Variants in LNX1 observed in about 807,000 individuals in gnomAD.
The protein encoded by LNX1 is E3 ubiquitin-protein ligase LNX.
A neutral mutation model predicts 68.4 loss-of-function variants in LNX1; 54 were observed. That is an observed-to-expected ratio of 0.79 (90% CI 0.63 to 0.99). The LOEUF is 0.99. Among genes scored for constraint, LNX1 ranks in the 50% least tolerant of loss-of-function variants. The pLI is 0.00. For missense variants in LNX1, 906 were observed against 926.4 expected (o/e 0.98, Z 0.29); for synonymous variants, 336 against 350.0 (o/e 0.96, Z 0.45).
chr4:53,530,377 T>G (rs1353139821), intron 2 of LNX1, among the ~76,000 whole-genome samples: 2 of 152,078 alleles, frequency 1.3e-5, no homozygotes, highest in Non-Finnish European at 2.9e-5. Flanking sequence ...ATTGAAGAAA[T>G]GTATATGGGA....
chr4:53,532,176 T>C (rs1390041129), intron 2 of LNX1, among the ~76,000 whole-genome samples: 1 of 152,184 alleles, frequency 6.6e-6, no homozygotes. Flanking sequence ...GAGTGTTCCC[T>C]TCAAGAAAGC....
At chr4:53,511,523 A>G (rs1409394865) in intron 2 of LNX1, among the ~76,000 whole-genome samples, 13 of 152,200 alleles carry the variant, frequency 8.5e-5, no homozygotes, top group Non-Finnish European at 1.9e-4. Context: ...CAACCAAAGC[A>G]CAAGCTTTGG....
intron 6 of LNX1, among the ~76,000 whole-genome samples, chr4:53,489,137 A>G (rs1198892957): frequency 6.6e-6 from 1 of 152,182 alleles, no homozygotes; most frequent in Non-Finnish European, 1.5e-5. Context: ...TAAAAAGTTT[A>G]TGAGTATCTC....
At chr4:53,641,236 A>T (rs1410939616) in intron 1 of LNX1, among the ~76,000 whole-genome samples, 1 of 152,134 alleles carries the variant, frequency 6.6e-6, no homozygotes, top group Non-Finnish European at 1.5e-5. Flanking sequence ...ACTCTCTAAG[A>T]AGGAGGGATT....
At chr4:53,556,888 C>T (rs1352995986) in intron 2 of LNX1, among the ~76,000 whole-genome samples, 1 of 152,198 alleles carries the variant, frequency 6.6e-6, no homozygotes. Flanking sequence ...CTGATCTGAA[C>T]TCTATGAACT....
intron 2 of LNX1, among the ~76,000 whole-genome samples, chr4:53,509,063 C>A (rs1726133574): frequency 6.6e-6 from 1 of 152,196 alleles, no homozygotes; most frequent in African/African-American, 2.4e-5. Context: ...TGGAGCTGAT[C>A]TAGGTCCATA....
intron 2 of LNX1, among the ~76,000 whole-genome samples, chr4:53,571,457 G>C (rs1731162894): frequency 6.6e-6 from 1 of 152,108 alleles, no homozygotes; most frequent in Non-Finnish European, 1.5e-5. Flanking sequence ...AGAGGCCAGA[G>C]AGAGCCTGGA....
At chr4:53,573,521 G>A in intron 2 of LNX1, 102 bp downstream of exon 2, 1 of 710,074 alleles carries the variant, frequency 1.4e-6, no homozygotes, top group Middle Eastern at 3.4e-4. Context: ...ATTTTGAATG[G>A]ATCATTTCAT....
intron 1 of LNX1, among the ~76,000 whole-genome samples, chr4:53,589,190 C>G (rs567756565): frequency 6.6e-6 from 1 of 152,306 alleles, no homozygotes; most frequent in African/African-American, 2.4e-5. Context: ...TGGAGAATCA[C>G]ATTTTGTGGG....
At chr4:53,531,818 G>A (rs1728042410) in intron 2 of LNX1, among the ~76,000 whole-genome samples, 1 of 152,186 alleles carries the variant, frequency 6.6e-6, no homozygotes, top group African/African-American at 2.4e-5. Flanking sequence ...AGAGATCTTA[G>A]GACAAGTTCT....
At chr4:53,539,583 T>A (rs1485057450) in intron 2 of LNX1, among the ~76,000 whole-genome samples, 1 of 152,232 alleles carries the variant, frequency 6.6e-6, no homozygotes, top group African/African-American at 2.4e-5. Context: ...TTGTAGGACT[T>A]TGAAAAGATT....
intron 2 of LNX1, among the ~76,000 whole-genome samples, chr4:53,600,481 A>T (rs1281646603): frequency 1.3e-5 from 2 of 152,180 alleles, no homozygotes; most frequent in Non-Finnish European, 2.9e-5. Context: ...AAAAACACAG[A>T]TTATGGCCAA....
At chr4:53,632,062 C>T (rs1234031333) in intron 1 of LNX1, among the ~76,000 whole-genome samples, 1 of 152,102 alleles carries the variant, frequency 6.6e-6, no homozygotes, top group African/African-American at 2.4e-5. Context: ...TGAATCTTGA[C>T]CTGGAGTGGA....
In LNX1 at chr4:53,508,048, G is replaced by A. The variant is rs1726043906; in HGVS notation, c.560C>T (p.Ser187Leu). ...GATTGCTGGCTGCCCGTCCTCTGCCGAGGACACGTAGGCAGGGTTGTCTAG... is the reference window on the plus strand; with the variant it reads ...GATTGCTGGCTGCCCGTCCTCTGCCAAGGACACGTAGGCAGGGTTGTCTAG... ...PGLDNPAYVS[S>L]AEDGQPAISP... Residue 187 changes from serine (S) to leucine (L), a missense_variant, in exon 3 of 11, where the codon TCG (serine) becomes TTG (leucine). Coordinates refer to ENST00000263925, the MANE Select transcript of LNX1 (RefSeq NM_001126328.3). 3.1e-6 allele frequency: 5 copies of A among 1,613,990 alleles called. No homozygotes were observed. Among genetic ancestry groups the A allele is most frequent in the African/African-American group, 2.7e-5 (2 of 74,926 alleles).
chr4:53,592,163 G>A (rs115161882), upstream of LNX1, among the ~76,000 whole-genome samples: 965 of 151,894 alleles, frequency 6.4e-3, 7 homozygotes, highest in African/African-American at 0.022. Flanking sequence ...GGCTGGCTTG[G>A]CAGTTAGAGT....
chr4:53,510,117 G>A (rs1726219893), intron 2 of LNX1, among the ~76,000 whole-genome samples: 1 of 152,196 alleles, frequency 6.6e-6, no homozygotes, highest in Non-Finnish European at 1.5e-5. Context: ...TAAAAGTGGT[G>A]TTACATTTTG....
In LNX1 at chr4:53,498,730, G is replaced by A. The variant is rs772373954; in HGVS notation, c.889C>T (p.Pro297Ser). Residue 297 changes from proline to serine, a missense_variant, in exon 5 of 11, where the codon CCA becomes TCA. By Grantham distance (74) the Pro-to-Ser change is moderately conservative. Transcript: ENST00000263925. ...TGTTGGATAATGATATGGACCAGTG[G>A]GGTTTCGCTACCTCCCACCAGCCTA... ...SIRLVGGSET[P>S]LVHIIIQHIY... The A allele has an allele frequency of 2.5e-6, 4 of 1,613,896 alleles. No homozygotes were observed. The highest frequency in any genetic ancestry group is 2.2e-5 in the East Asian group (1 of 44,890).
intron 9 of LNX1, among the ~76,000 whole-genome samples, chr4:53,475,967 C>T (rs1301866113): frequency 6.6e-6 from 1 of 152,166 alleles, no homozygotes; most frequent in Non-Finnish European, 1.5e-5. Context: ...GCGAAGTGCT[C>T]TGGGGCATTG....
At chr4:53,625,435 T>C (rs963766428) in intron 1 of LNX1, among the ~76,000 whole-genome samples, 1 of 152,036 alleles carries the variant, frequency 6.6e-6, no homozygotes, top group African/African-American at 2.4e-5. Flanking sequence ...CCAAAGAAAG[T>C]GCACAAAGGG....
Sources: allele counts gnomAD v4.1 joint callset (sites outside exome capture counted in the v4.1 genomes callset), GRCh38; gene constraint gnomAD v4.1.1; transcripts MANE v1.5; gene names NCBI Gene and HGNC (gene_info 2026-07-23, HGNC 2026-07-21).